Variants in ATG10 observed in about 807,000 individuals in gnomAD.
ATG10 encodes the protein autophagy related 10.
ATG10 carries 30 observed loss-of-function variants against 32.1 expected under a neutral mutation model. The observed-to-expected ratio is 0.94, with a 90% CI of 0.70 to 1.27. The LOEUF is 1.27. ATG10 is among the 50% of genes most tolerant of loss of function. The pLI, the probability that ATG10 is intolerant of heterozygous loss-of-function variation, is 0.00. For synonymous variants in ATG10, 87 were observed against 91.5 expected, an observed-to-expected ratio of 0.95 and a Z score of 0.28; for missense variants, 233 against 262.3, an observed-to-expected ratio of 0.89 and a Z score of 0.77.
intron 5 of ATG10, among the ~76,000 whole-genome samples, chr5:82,197,228 G>T (rs549094157): frequency 3.8e-4 from 57 of 151,938 alleles, no homozygotes; most frequent in Non-Finnish European, 5.6e-4. Context: ...CTGATTTTTT[G>T]TGTGTATTTT....
At chr5:82,201,900 T>A (rs1310763031) in intron 5 of ATG10, among the ~76,000 whole-genome samples, 3 of 152,218 alleles carry the variant, frequency 2.0e-5, no homozygotes, top group Admixed American at 1.3e-4. Flanking sequence ...TGCTATTATG[T>A]TTAATATCTG....
At chr5:82,036,328 G>A (rs1762921821) in intron 2 of ATG10, among the ~76,000 whole-genome samples, 1 of 152,052 alleles carries the variant, frequency 6.6e-6, no homozygotes, top group Admixed American at 6.6e-5. Context: ...GCACAGTGGC[G>A]CATGCATGTA....
rs1004086589 is a variant in ATG10 at position 82,158,291 on chromosome 5, A to G, written c.217-6108A>G. Among the ~76,000 whole-genome samples the G allele has an allele frequency of 2.6e-5, 4 of 152,166 alleles. No individual in the cohort carries two copies. In the East Asian group the frequency reaches 7.7e-4, roughly 29 times the overall value. ...ATGAAATAGCAACATTTTGAGAAAA[A>G]TCAATATATTGTGACTTCTTTTTTC... On this transcript the variant is annotated intron_variant, in intron 3 of 7. Transcript: ENST00000282185.
At chr5:82,119,912 A>G (rs1279000342) in intron 3 of ATG10, among the ~76,000 whole-genome samples, 1 of 152,214 alleles carries the variant, frequency 6.6e-6, no homozygotes, top group Non-Finnish European at 1.5e-5. Context: ...AGACAAAACA[A>G]CAACAACAAA....
At chr5:82,066,790 A>T (rs1003154673) in intron 3 of ATG10, among the ~76,000 whole-genome samples, 25 of 151,910 alleles carry the variant, frequency 1.6e-4, no homozygotes, top group African/African-American at 4.8e-4. Context: ...TCCAAAATAG[A>T]CTCATATGTC....
chr5:82,220,408 A>G (rs1265043916), intron 5 of ATG10, among the ~76,000 whole-genome samples: 58 of 151,014 alleles, frequency 3.8e-4, no homozygotes, highest in African/African-American at 1.4e-3. Context: ...GACTACAGGC[A>G]CCCGCCACCA....
At chr5:82,005,438 G>A (rs1761965178) in intron 2 of ATG10, among the ~76,000 whole-genome samples, 1 of 152,102 alleles carries the variant, frequency 6.6e-6, no homozygotes, top group Non-Finnish European at 1.5e-5. Context: ...GGGATTACAG[G>A]CATCCACCAC....
chr5:82,183,607 C>T (rs901712182), intron 5 of ATG10, among the ~76,000 whole-genome samples: 4 of 152,042 alleles, frequency 2.6e-5, no homozygotes, highest in South Asian at 2.1e-4. Context: ...TGATTATTGC[C>T]TAGACCCATT....
At chr5:82,252,736 C>A in intron 6 of ATG10, 77 bp downstream of exon 6, 3 of 823,476 alleles carry the variant, frequency 3.6e-6, no homozygotes, top group South Asian at 1.7e-5. Context: ...ACTCTAAATG[C>A]TAGGCTAAAA....
At chr5:82,250,324 G>A (rs1747204705) in intron 5 of ATG10, among the ~76,000 whole-genome samples, 1 of 151,754 alleles carries the variant, frequency 6.6e-6, no homozygotes, top group African/African-American at 2.4e-5. Context: ...CCTTATTTTA[G>A]TCCATTTAGG....
intron 5 of ATG10, chr5:82,242,999 A>G (rs1258344309): frequency 3.2e-6 from 1 of 315,136 alleles, no homozygotes; most frequent in East Asian, 8.5e-5. Context: ...ACTAGACAAC[A>G]GTAGTACATA....
intron 5 of ATG10, among the ~76,000 whole-genome samples, chr5:82,234,451 C>A (rs1390451140): frequency 6.6e-6 from 1 of 152,098 alleles, no homozygotes; most frequent in Non-Finnish European, 1.5e-5. Context: ...GCCCTAGATT[C>A]GTACCTTGAA....
chr5:82,050,342 T>G (rs1763371925), intron 2 of ATG10, among the ~76,000 whole-genome samples: 3 of 152,112 alleles, frequency 2.0e-5, no homozygotes, highest in Admixed American at 2.0e-4. Context: ...CTTTGGACAA[T>G]AACTATTGAT....
In ATG10 at chr5:82,155,104, C is replaced by T. The variant is rs116144004; in HGVS notation, c.217-9295C>T. Among the ~76,000 whole-genome samples, 1,278 of 152,320 alleles carry T rather than the reference C, an allele frequency of 8.4e-3. 16 individuals are homozygous for T. The highest frequency in any genetic ancestry group is 0.029 in the African/African-American group (1,203 of 41,566). On this transcript the variant is annotated intron_variant, in intron 3 of 7. Coordinates refer to ENST00000282185, the MANE Select transcript of ATG10 (RefSeq NM_031482.5). ...TTGAGTGTAGAAGTTTATTCATGTG[C>T]TGAAGGAACTTGCAGTTTATTCATC...
chr5:81,994,257 C>G (rs1761595560), intron 2 of ATG10, among the ~76,000 whole-genome samples: 1 of 152,154 alleles, frequency 6.6e-6, no homozygotes, highest in Non-Finnish European at 1.5e-5. Context: ...ATTCCAGGCC[C>G]CGCATTGTGG....
chr5:82,145,795 C>T (rs1767329417), intron 3 of ATG10, among the ~76,000 whole-genome samples: 1 of 151,882 alleles, frequency 6.6e-6, no homozygotes, highest in African/African-American at 2.4e-5. Flanking sequence ...CAACCTCTGC[C>T]TCCTGGATTC....
chr5:82,240,420 A>G (rs1746740462), intron 5 of ATG10, among the ~76,000 whole-genome samples: 1 of 152,254 alleles, frequency 6.6e-6, no homozygotes, highest in African/African-American at 2.4e-5. Flanking sequence ...AAGCACAGAA[A>G]GACAAATGTT....
intron 2 of ATG10, chr5:82,009,844 C>T: frequency 6.2e-7 from 1 of 1,608,628 alleles, no homozygotes; most frequent in Non-Finnish European, 8.5e-7. Context: ...TTCTCATCTT[C>T]AAATTTCTCC....
At chr5:82,194,390 A>G (rs1244336658) in intron 5 of ATG10, among the ~76,000 whole-genome samples, 1 of 152,160 alleles carries the variant, frequency 6.6e-6, no homozygotes, top group Admixed American at 6.5e-5. Context: ...TGTTATTTGA[A>G]AGATTGTCAA....
Sources: gnomAD v4.1 joint callset for allele counts (sites outside exome capture counted in the v4.1 genomes callset) on GRCh38, gnomAD v4.1.1 for gene constraint, MANE v1.5 for transcripts, NCBI Gene and HGNC (gene_info 2026-07-23, HGNC 2026-07-21) for gene names.